TCERG1L: variants seen among roughly 807,000 people sequenced by gnomAD.
TCERG1L encodes transcription elongation regulator 1 like.
A neutral mutation model predicts 56.3 loss-of-function variants in TCERG1L; 37 were observed. That is an observed-to-expected ratio of 0.66 (90% CI 0.51 to 0.87). The LOEUF is 0.87. TCERG1L is among the 40% of genes least tolerant of loss of function. The pLI is 0.00. For missense variants in TCERG1L, 799 were observed against 774.2 expected (o/e 1.03, Z -0.38); for synonymous variants, 324 against 326.3 (o/e 0.99, Z 0.08).
intron 3 of TCERG1L, among the ~76,000 whole-genome samples, chr10:131,275,935 TC>T (rs1407586557): frequency 2.0e-5 from 3 of 152,062 alleles, no homozygotes; most frequent in Non-Finnish European, 4.4e-5. Context: ...GCTCAGAAGA[TC>T]CCTTTGCCTC....
chr10:131,235,449 G>A (rs1341914073), intron 4 of TCERG1L, among the ~76,000 whole-genome samples: 14 of 152,168 alleles, frequency 9.2e-5, no homozygotes, highest in African/African-American at 3.1e-4. Context: ...ATTTCTAGGA[G>A]TCTCTCCTCA....
intron 8 of TCERG1L, among the ~76,000 whole-genome samples, chr10:131,119,279 T>C (rs1404311501): frequency 6.6e-6 from 1 of 152,202 alleles, no homozygotes; most frequent in Non-Finnish European, 1.5e-5. Context: ...GTAATATGGA[T>C]TAATCCCAAC....
chr10:131,189,273 C>T (rs935518288), intron 4 of TCERG1L, among the ~76,000 whole-genome samples: 6 of 152,046 alleles, frequency 3.9e-5, no homozygotes, highest in Non-Finnish European at 8.8e-5. Flanking sequence ...TTAGTGTATC[C>T]GTCACCCAAA....
chr10:131,158,413 G>A lies in TCERG1L; in HGVS notation c.1034+4709C>T, dbSNP rs76202699. ...TTCTCAAACACTCCATTTCTTAGCC[G>A]TAGTTTTATTCAAAATGTATTTAAT... On this transcript the variant is annotated intron_variant, in intron 6 of 11. Coordinates refer to ENST00000368642, the MANE Select transcript of TCERG1L (RefSeq NM_174937.4). 3.3e-4 allele frequency among the ~76,000 whole-genome samples: 51 copies of A among 152,302 alleles called. No individual in the cohort carries two copies. The East Asian group carries it at 6.4e-3, about 19-fold the overall frequency.
chr10:131,136,392 T>G (rs1330877046), intron 7 of TCERG1L, among the ~76,000 whole-genome samples: 1 of 151,992 alleles, frequency 6.6e-6, no homozygotes, highest in African/African-American at 2.4e-5. Flanking sequence ...GACGAGGGCC[T>G]GGGGTGAGCA....
At chr10:131,293,345 G>T (rs1409860424) in intron 3 of TCERG1L, among the ~76,000 whole-genome samples, 1 of 152,148 alleles carries the variant, frequency 6.6e-6, no homozygotes, top group African/African-American at 2.4e-5. Context: ...TGACAGTGCA[G>T]GAGTATCGCC....
chr10:131,241,663 G>C (rs1412263024), intron 4 of TCERG1L, among the ~76,000 whole-genome samples: 1 of 151,764 alleles, frequency 6.6e-6, no homozygotes, highest in African/African-American at 2.4e-5. Flanking sequence ...GAGAGGACAT[G>C]CATGAACACA....
Position 131,309,197 on chromosome 10 carries a change from G to C in TCERG1L, c.445C>G (p.Pro149Ala). The C allele has an allele frequency of 6.2e-7, 1 of 1,610,768 alleles. No individual in the cohort carries two copies. The change falls in exon 2 of 12, where the codon CCT becomes GCT. Residue 149 changes from proline to alanine, a missense_variant. By Grantham distance (27) the Pro-to-Ala change is conservative (BLOSUM62 -1). Coordinates refer to ENST00000368642, the MANE Select transcript of TCERG1L (RefSeq NM_174937.4). ...TTGTCTATCCAACTTTTCCCAATAG[G>C]GGTTGCAAGAGCAGAAGGGCAGAGA... ...PHLCPSALAT[P>A]IGKSWIDKRI...
intron 9 of TCERG1L, among the ~76,000 whole-genome samples, chr10:131,110,411 G>A (rs951775992): frequency 3.3e-5 from 5 of 152,108 alleles, no homozygotes; most frequent in East Asian, 3.9e-4. Context: ...GTCTCACCCC[G>A]GCTCCCTCCC....
intron 4 of TCERG1L, among the ~76,000 whole-genome samples, chr10:131,181,968 A>G (rs1215723310): frequency 6.6e-6 from 1 of 152,172 alleles, no homozygotes; most frequent in East Asian, 1.9e-4. Flanking sequence ...ATCAAAACCA[A>G]TCTCAACAGC....
chr10:131,185,966 T>A (rs1279814899), intron 4 of TCERG1L, among the ~76,000 whole-genome samples: 1 of 152,212 alleles, frequency 6.6e-6, no homozygotes, highest in Non-Finnish European at 1.5e-5. Flanking sequence ...TACATGAGCA[T>A]CAATGGATGG....
In TCERG1L at chr10:131,093,161, C is replaced by A; in HGVS notation, c.*1G>T. ...CGGGCTTATTGCATTTTTTCACAAA[C>A]TCATCTCATTTTCCGCAGCCTTAGT... On this transcript the variant is annotated 3_prime_UTR_variant, in exon 12 of 12. Coordinates refer to ENST00000368642, the MANE Select transcript of TCERG1L (RefSeq NM_174937.4). 6.2e-7 allele frequency: 1 copy of A among 1,611,876 alleles called. No homozygotes were observed. Among genetic ancestry groups the A allele is most frequent in the East Asian group, 2.2e-5 (1 of 44,834 alleles).
chr10:131,275,592 G>C (rs531978218), intron 3 of TCERG1L, among the ~76,000 whole-genome samples: 1 of 152,314 alleles, frequency 6.6e-6, no homozygotes, highest in South Asian at 2.1e-4. Flanking sequence ...GAGAGGGAGA[G>C]AGGGGGAAAA....
At chr10:131,146,374 A>G in intron 7 of TCERG1L, 132 bp downstream of exon 7, 1 of 1,036,856 alleles carries the variant, frequency 9.6e-7, no homozygotes, top group Non-Finnish European at 1.3e-6. Context: ...TAAACTCTGC[A>G]ATCGGGCACA....
chr10:131,280,844 A>C (rs980876419), intron 3 of TCERG1L, among the ~76,000 whole-genome samples: 13 of 151,048 alleles, frequency 8.6e-5, no homozygotes, highest in Non-Finnish European at 1.2e-4. Flanking sequence ...CATCCCCACC[A>C]CCCCAGGCCA....
intron 11 of TCERG1L, among the ~76,000 whole-genome samples, chr10:131,093,659 C>G (rs1845209406): frequency 6.6e-6 from 1 of 152,220 alleles, no homozygotes; most frequent in Non-Finnish European, 1.5e-5. Context: ...TCCTCCGCCC[C>G]TCCCTTGCTG....
At chr10:131,265,520 C>T (rs964501076) in intron 3 of TCERG1L, among the ~76,000 whole-genome samples, 1 of 152,180 alleles carries the variant, frequency 6.6e-6, no homozygotes, top group African/African-American at 2.4e-5. Context: ...GAAGTTCAGT[C>T]ATGATAACCA....
At chr10:131,106,715 A>G (rs1845354819) in intron 9 of TCERG1L, among the ~76,000 whole-genome samples, 1 of 152,208 alleles carries the variant, frequency 6.6e-6, no homozygotes, top group South Asian at 2.1e-4. Context: ...ATACCTGGGC[A>G]GGGTCAGGGA....
chr10:131,139,254 A>C (rs1349674448), intron 7 of TCERG1L, among the ~76,000 whole-genome samples: 2 of 152,250 alleles, frequency 1.3e-5, no homozygotes, highest in Non-Finnish European at 2.9e-5. Context: ...GAAATTACAC[A>C]ATCGATATGT....
Sources: allele counts gnomAD v4.1 joint callset (sites outside exome capture counted in the v4.1 genomes callset), GRCh38; gene constraint gnomAD v4.1.1; transcripts MANE v1.5; gene names NCBI Gene and HGNC (gene_info 2026-07-23, HGNC 2026-07-21).